The following DNM3 variants were observed in gnomAD, a reference collection of about 807,000 sequenced individuals.
DNM3 encodes dynamin 3.
DNM3 carries 47 observed loss-of-function variants against 101.6 expected under a neutral mutation model. The observed-to-expected ratio is 0.46, with a 90% CI of 0.37 to 0.59. The LOEUF (loss-of-function observed/expected upper bound fraction) is 0.59, where lower values mean the gene tolerates loss of function less well. Among genes scored for constraint, DNM3 ranks in the 20% least tolerant of loss-of-function variants. The probability of loss-of-function intolerance (pLI) is 0.00; values close to 1 mark genes in which losing one functional copy is unlikely to be tolerated. For missense variants in DNM3, 849 were observed against 1,085.7 expected, an observed-to-expected ratio of 0.78 and a Z score of 3.06; for synonymous variants, 385 against 387.9, an observed-to-expected ratio of 0.99 and a Z score of 0.09.
intron 16 of DNM3, among the ~76,000 whole-genome samples, chr1:172,321,593 TTG>T (rs1304335896): frequency 2.6e-5 from 4 of 152,150 alleles, no homozygotes; most frequent in African/African-American, 9.7e-5. Context: ...CGTCCTCCGC[TTG>T]TGTGTTTCTT....
At chr1:172,108,888 A>G (rs1051191910) in intron 13 of DNM3, among the ~76,000 whole-genome samples, 2 of 152,216 alleles carry the variant, frequency 1.3e-5, no homozygotes, top group Admixed American at 6.5e-5. Flanking sequence ...CTGTACTACC[A>G]TTTGTATTGC....
At chr1:171,942,097 C>T (rs2041852219) in intron 2 of DNM3, among the ~76,000 whole-genome samples, 1 of 151,394 alleles carries the variant, frequency 6.6e-6, no homozygotes, top group Admixed American at 6.6e-5. Context: ...AAGACTAGTA[C>T]AGAGTGGACT....
At chr1:172,286,057 A>C (rs1452193182) in intron 15 of DNM3, among the ~76,000 whole-genome samples, 1 of 127,264 alleles carries the variant, frequency 7.9e-6, no homozygotes, top group Non-Finnish European at 1.6e-5. Flanking sequence ...AGAACTTTTA[A>C]AGTGAGTTAT....
intron 18 of DNM3, among the ~76,000 whole-genome samples, chr1:172,380,365 CAGT>C (rs1217868206): frequency 1.3e-5 from 2 of 152,046 alleles, no homozygotes; most frequent in Non-Finnish European, 1.5e-5. Flanking sequence ...CTAAATACGA[CAGT>C]CCGTTCATTG....
intron 14 of DNM3, among the ~76,000 whole-genome samples, chr1:172,210,018 A>G (rs1248972672): frequency 6.6e-6 from 1 of 152,108 alleles, no homozygotes; most frequent in East Asian, 1.9e-4. Flanking sequence ...CTGTGTGCCA[A>G]ACACCATTCT....
intron 12 of DNM3, among the ~76,000 whole-genome samples, chr1:172,086,052 C>T (rs2053508959): frequency 6.6e-6 from 1 of 152,114 alleles, no homozygotes; most frequent in Non-Finnish European, 1.5e-5. Context: ...TTCACATATC[C>T]TGTTCAAATA....
rs1236858640 is a variant in DNM3 at position 172,326,734 on chromosome 1, A to G, written c.1893+3394A>G. 8.5e-5 allele frequency among the ~76,000 whole-genome samples: 13 copies of G among 152,230 alleles called. No homozygotes were observed. In the East Asian group the frequency reaches 2.3e-3, roughly 27 times the overall value. On this transcript the variant is annotated intron_variant, in intron 17 of 20. Transcript: ENST00000627582. ...AGTTAAAGGTAGAGAAAATCTTAAC[A>G]TGTAAGGAATATAAATATATCAAAA...
At chr1:172,175,825 G>A (rs2059136292) in intron 14 of DNM3, among the ~76,000 whole-genome samples, 1 of 151,754 alleles carries the variant, frequency 6.6e-6, no homozygotes, top group Non-Finnish European at 1.5e-5. Flanking sequence ...TTAATGATAG[G>A]TAGAAATTGG....
chr1:172,409,822 C>T lies in DNM3; in HGVS notation c.*1981C>T. On this transcript the variant is annotated 3_prime_UTR_variant, in exon 21 of 21. Coordinates refer to ENST00000627582, the MANE Select transcript of DNM3 (RefSeq NM_015569.5). ...ACGGATTATATACTTCAGGGTTTGGCTTTGTGCTAAATGTGGTTTTGTGTT... is the reference window on the plus strand; with the variant it reads ...ACGGATTATATACTTCAGGGTTTGGTTTTGTGCTAAATGTGGTTTTGTGTT... 1 of 985,626 alleles carries T rather than the reference C, an allele frequency of 1.0e-6. No individual in the cohort carries two copies. Among genetic ancestry groups the T allele is most frequent in the Non-Finnish European group, 1.2e-6 (1 of 829,834 alleles). 61.1% of individuals were successfully genotyped at this position (985,626 alleles called of 1,614,324 possible).
chr1:172,133,780 A>G (rs906548148), intron 14 of DNM3, among the ~76,000 whole-genome samples: 6 of 152,148 alleles, frequency 3.9e-5, no homozygotes, highest in African/African-American at 1.4e-4. Flanking sequence ...TATTCCAGGT[A>G]GAGGGAACAG....
At chr1:171,976,985 C>T (rs965348307) in intron 2 of DNM3, among the ~76,000 whole-genome samples, 6 of 152,038 alleles carry the variant, frequency 3.9e-5, no homozygotes, top group Admixed American at 6.6e-5. Context: ...TTTGAATTTT[C>T]ATGACAAAGT....
intron 1 of DNM3, among the ~76,000 whole-genome samples, chr1:171,918,328 A>T (rs541785845): frequency 3.3e-5 from 5 of 152,230 alleles, no homozygotes; most frequent in Non-Finnish European, 7.3e-5. Flanking sequence ...AAGTAAAAGA[A>T]ATAGGTTCGG....
At chr1:172,262,168 G>T (rs2062682400) in intron 15 of DNM3, among the ~76,000 whole-genome samples, 1 of 152,148 alleles carries the variant, frequency 6.6e-6, no homozygotes, top group African/African-American at 2.4e-5. Flanking sequence ...CTGGGAACAT[G>T]GGCTTCATTT....
intron 2 of DNM3, among the ~76,000 whole-genome samples, chr1:171,936,259 C>T (rs1405392700): frequency 2.0e-5 from 3 of 151,968 alleles, no homozygotes; most frequent in Non-Finnish European, 4.4e-5. Context: ...GCAGGAGACT[C>T]ACTTGAACCC....
chr1:172,304,207 A>C (rs2064641572), intron 15 of DNM3, among the ~76,000 whole-genome samples: 1 of 97,826 alleles, frequency 1.0e-5, no homozygotes, highest in Admixed American at 9.1e-5. Context: ...AAAGGAAAGC[A>C]AAAAAAAAAA....
chr1:172,381,206 T>TAA (rs1406335134), intron 18 of DNM3, among the ~76,000 whole-genome samples: 1 of 151,836 alleles, frequency 6.6e-6, no homozygotes, highest in African/African-American at 2.4e-5. Flanking sequence ...TCCTCGGAGG[T>TAA]AAAGTTCTGA....
chr1:172,218,059 A>C (rs1293213122), intron 14 of DNM3, among the ~76,000 whole-genome samples: 1 of 152,196 alleles, frequency 6.6e-6, no homozygotes, highest in Non-Finnish European at 1.5e-5. Context: ...TCCGCTATTT[A>C]AAATGTTTCC....
Position 172,044,398 on chromosome 1 carries a change from A to G in DNM3, c.1142A>G (p.Glu381Gly). 6.2e-7 allele frequency: 1 copy of G among 1,608,066 alleles called. No homozygotes were observed. Among genetic ancestry groups the G allele is most frequent in the Non-Finnish European group, 8.5e-7 (1 of 1,177,200 alleles). The change falls in exon 9 of 21, where the codon GAG becomes GGG. Residue 381 changes from glutamate (E) to glycine (G), a missense_variant. Physicochemically the swap from Glu to Gly is moderately conservative, Grantham distance 98. Transcript: ENST00000627582. ...PFEIVKMEFN[E>G]KELRREISYA... ...TTGCATCTGCAGATGGAGTTCAATG[A>G]GAAAGAATTGCGAAGAGAAATAAGC...
At chr1:172,154,877 A>G (rs751608089) in intron 14 of DNM3, among the ~76,000 whole-genome samples, 14 of 152,100 alleles carry the variant, frequency 9.2e-5, no homozygotes, top group Non-Finnish European at 2.9e-5. Flanking sequence ...GGAAGGAAGC[A>G]AGAAAAGGCT....
Sources: gnomAD v4.1 joint callset for allele counts (sites outside exome capture counted in the v4.1 genomes callset) on GRCh38, gnomAD v4.1.1 for gene constraint, MANE v1.5 for transcripts, NCBI Gene and HGNC (gene_info 2026-07-23, HGNC 2026-07-21) for gene names.